The following ITGB3BP variants were observed in gnomAD, a reference collection of about 807,000 sequenced individuals.
ITGB3BP encodes centromere protein R.
In ITGB3BP, 27 loss-of-function variants were observed where a neutral mutation model predicts 29.1. The observed-to-expected ratio is 0.93, with a 90% CI of 0.68 to 1.28. ITGB3BP has a LOEUF of 1.28. Ranked by LOEUF, ITGB3BP falls within the 50% of genes most tolerant of loss-of-function variation. ITGB3BP has a pLI of 0.00. For synonymous variants in ITGB3BP, 61 were observed against 61.4 expected, an observed-to-expected ratio of 0.99 and a Z score of 0.03; for missense variants, 192 against 200.2, an observed-to-expected ratio of 0.96 and a Z score of 0.25.
At chr1:63,467,044 G>A (rs1229149796) in intron 4 of ITGB3BP, among the ~76,000 whole-genome samples, 2 of 151,848 alleles carry the variant, frequency 1.3e-5, no homozygotes, top group Admixed American at 6.6e-5. Flanking sequence ...TACCATGCTC[G>A]GCTCATTTTT....
intron 1 of ITGB3BP, 181 bp downstream of exon 1, chr1:63,522,948 G>A (rs770640246): frequency 1.3e-6 from 1 of 791,878 alleles, no homozygotes; most frequent in African/African-American, 1.7e-5. Flanking sequence ...ACTATCGTAT[G>A]AGTACCGCTG....
chr1:63,472,411 T>C (rs1463399239), intron 4 of ITGB3BP, among the ~76,000 whole-genome samples: 4 of 146,810 alleles, frequency 2.7e-5, no homozygotes, highest in Admixed American at 7.0e-5. Context: ...TAAAATGTTA[T>C]GATCATTTAA....
rs1439566476 is a variant in ITGB3BP at position 63,454,250 on chromosome 1, AAAG to A, written c.427+127_427+129del. 7.9e-6 allele frequency: 4 copies of A among 506,832 alleles called. No individual in the cohort carries two copies. In the South Asian group the frequency reaches 1.2e-4, roughly 16 times the overall value. The allele number at this position is 506,832 out of a possible 1,614,324, so 31.4% of individuals were successfully genotyped here. A position where few individuals can be genotyped will look rare whatever the true frequency, so the allele number is the denominator to read the frequency against. On this transcript the variant is annotated intron_variant, in intron 6 of 8. Coordinates refer to ENST00000271002, the MANE Select transcript of ITGB3BP (RefSeq NM_014288.5). This position sits in a 1 kb window ranked among gnomAD's most constrained non-coding sequence, Gnocchi z 4.1. Reference sequence around the variant, plus strand: ...ATAAAAGACATGTGGCTTCTTATTTAAAGAAGGTAATAGTATTTTTATCACATG... The same window carrying A: ...ATAAAAGACATGTGGCTTCTTATTTAAAGGTAATAGTATTTTTATCACATG...
intron 4 of ITGB3BP, among the ~76,000 whole-genome samples, chr1:63,472,593 GC>G (rs1024950991): frequency 1.3e-5 from 2 of 150,376 alleles, no homozygotes; most frequent in African/African-American, 4.9e-5. Context: ...GCCTCAGCCT[GC>G]CGAGTGCCTG....
chr1:63,441,373 G>A (rs1644728619), intron 8 of ITGB3BP, among the ~76,000 whole-genome samples: 1 of 152,086 alleles, frequency 6.6e-6, no homozygotes, highest in African/African-American at 2.4e-5. Context: ...GAGTAGCTGG[G>A]ACTACAGGTG....
In ITGB3BP at chr1:63,478,810, G is replaced by T; in HGVS notation, c.208C>A (p.Pro70Thr). 2 of 1,437,336 alleles carry T rather than the reference G, an allele frequency of 1.4e-6. No individual in the cohort carries two copies. The highest frequency in any genetic ancestry group is 1.4e-5 in the South Asian group (1 of 73,390). 89.0% of individuals were successfully genotyped at this position (1,437,336 alleles called of 1,614,324 possible). A position where few individuals can be genotyped will look rare whatever the true frequency, so the allele number is the denominator to read the frequency against. Residue 70 changes from proline to threonine, a missense_variant, in exon 4 of 9, where the codon CCC (proline) becomes ACC (threonine). Transcript: ENST00000271002. Reference protein sequence around the residue: ...SNEKRKKLNHPSLTESKESTT... With the variant: ...SNEKRKKLNHTSLTESKESTT... ...GATTCTTTGCTTTCAGTTAAACTGG[G>T]GTGATTCAATTTTTTTCTCTTTTCT...
chr1:63,477,716 A>AG (rs1286308242), intron 4 of ITGB3BP, among the ~76,000 whole-genome samples: 6 of 148,010 alleles, frequency 4.1e-5, no homozygotes, highest in Admixed American at 6.7e-5. Context: ...TGAGACAATC[A>AG]GGGAAAAAAA....
chr1:63,523,279 C>G, upstream of ITGB3BP: 1 of 1,050,146 alleles, frequency 9.5e-7, no homozygotes, highest in Non-Finnish European at 1.5e-6. Context: ...GCGGAAACAT[C>G]CTCCCCGCGA....
intron 1 of ITGB3BP, among the ~76,000 whole-genome samples, chr1:63,513,097 T>C (rs529298389): frequency 3.3e-5 from 5 of 152,206 alleles, no homozygotes; most frequent in Non-Finnish European, 7.3e-5. Flanking sequence ...TCTTGATGTA[T>C]TGTAATATCA....
chr1:63,511,484 C>G (rs1284265398), intron 1 of ITGB3BP, among the ~76,000 whole-genome samples: 1 of 151,868 alleles, frequency 6.6e-6, no homozygotes, highest in African/African-American at 2.4e-5. Flanking sequence ...ATTTGTACAC[C>G]AATGTTCACA....
chr1:63,482,702 G>A (rs542550180), intron 3 of ITGB3BP, among the ~76,000 whole-genome samples: 21 of 140,062 alleles, frequency 1.5e-4, no homozygotes, highest in African/African-American at 3.6e-4. Context: ...AGCCCAGCCC[G>A]GAAAGCAGTG....
At chr1:63,477,657 C>T (rs1439881871) in intron 4 of ITGB3BP, among the ~76,000 whole-genome samples, 2 of 151,302 alleles carry the variant, frequency 1.3e-5, no homozygotes, top group South Asian at 2.1e-4. Context: ...GAGGTTAAGG[C>T]TGCACTGAAT....
intron 1 of ITGB3BP, among the ~76,000 whole-genome samples, chr1:63,511,161 G>T (rs1186096866): frequency 6.6e-6 from 1 of 152,056 alleles, no homozygotes; most frequent in Non-Finnish European, 1.5e-5. Flanking sequence ...TGACCAATAA[G>T]CACATGAAAA....
intron 1 of ITGB3BP, among the ~76,000 whole-genome samples, chr1:63,510,840 A>C (rs1646185153): frequency 6.6e-6 from 1 of 152,142 alleles, no homozygotes; most frequent in African/African-American, 2.4e-5. Context: ...TTATATTAGA[A>C]CTGGGCCCAA....
intron 8 of ITGB3BP, among the ~76,000 whole-genome samples, chr1:63,442,004 G>C (rs1195808536): frequency 6.6e-6 from 1 of 152,178 alleles, no homozygotes; most frequent in Non-Finnish European, 1.5e-5. Context: ...CAGAGGGACT[G>C]CTTGAGCCCA....
rs372348238 is a variant in ITGB3BP at position 63,493,088 on chromosome 1, A to ACACG, written c.49-2871_49-2870insCGTG. Among the ~76,000 whole-genome samples, 325 of 148,842 alleles carry ACACG rather than the reference A, an allele frequency of 2.2e-3. 2 individuals carry two copies. Among genetic ancestry groups the ACACG allele is most frequent in the African/African-American group, 7.6e-3 (301 of 39,426 alleles). On this transcript the variant is annotated intron_variant, in intron 2 of 8. Coordinates refer to ENST00000271002, the MANE Select transcript of ITGB3BP (RefSeq NM_014288.5). Reference sequence around the variant, plus strand: ...GATCACACCACACACACACACACACACGCGCGCGCGCGCAAGAAAATAGAT... The same window carrying ACACG: ...GATCACACCACACACACACACACACACACGCGCGCGCGCGCGCAAGAAAATAGAT...
At chr1:63,507,628 T>C (rs1330422727) in intron 2 of ITGB3BP, among the ~76,000 whole-genome samples, 1 of 152,258 alleles carries the variant, frequency 6.6e-6, no homozygotes, top group East Asian at 1.9e-4. Context: ...TTGCTAATTA[T>C]ACTGTTAATG....
intron 2 of ITGB3BP, among the ~76,000 whole-genome samples, chr1:63,498,208 T>G (rs989689874): frequency 4.6e-5 from 7 of 152,050 alleles, no homozygotes; most frequent in African/African-American, 7.2e-5. Flanking sequence ...ACCAACTAGA[T>G]TTAACAGACA....
chr1:63,519,585 C>T lies in ITGB3BP; in HGVS notation c.5+3544G>A, dbSNP rs998654301. Among the ~76,000 whole-genome samples, 5 of 152,160 alleles carry T rather than the reference C, an allele frequency of 3.3e-5. No homozygotes were observed. In the South Asian group the frequency reaches 1.0e-3, roughly 32 times the overall value. ...ATCAAGTACTAAAAATTTCACCAAT[C>T]TTCTTTTAAAATGCAGGACACTTTA... is the stretch of plus-strand genomic sequence containing the variant. On this transcript the variant is annotated intron_variant, in intron 1 of 8. Transcript: ENST00000271002.
Sources: gnomAD v4.1 joint callset for allele counts (sites outside exome capture counted in the v4.1 genomes callset) on GRCh38, gnomAD v4.1.1 for gene constraint, Gnocchi (gnomAD v3.1) non-coding constraint, MANE v1.5 for transcripts, NCBI Gene and HGNC (gene_info 2026-07-23, HGNC 2026-07-21) for gene names.